Variants in ITPR2 observed in about 807,000 individuals in gnomAD.
ITPR2 encodes inositol 1,4,5-trisphosphate-gated calcium channel ITPR2.
ITPR2 carries 207 observed loss-of-function variants against 317.1 expected under a neutral mutation model. That is an observed-to-expected ratio of 0.65 (90% CI 0.58 to 0.73). The LOEUF (loss-of-function observed/expected upper bound fraction) is 0.73. Ranked by LOEUF, ITPR2 falls within the 30% of genes least tolerant of loss-of-function variation. The probability of loss-of-function intolerance (pLI) is 0.00; values close to 1 mark genes in which losing one functional copy is unlikely to be tolerated. For missense variants in ITPR2, 2,613 were observed against 3,284.0 expected, an observed-to-expected ratio of 0.80 and a Z score of 4.99; for synonymous variants, 1,156 against 1,149.1, an observed-to-expected ratio of 1.01 and a Z score of -0.12.
chr12:26,710,324 A>T (rs1175795049), intron 9 of ITPR2, among the ~76,000 whole-genome samples: 3 of 152,266 alleles, frequency 2.0e-5, no homozygotes, highest in Non-Finnish European at 4.4e-5. Context: ...AGTTAAGAGA[A>T]TTAGAAATAT....
intron 45 of ITPR2, among the ~76,000 whole-genome samples, chr12:26,473,898 A>T (rs1263538070): frequency 6.6e-6 from 1 of 152,196 alleles, no homozygotes; most frequent in African/African-American, 2.4e-5. Context: ...AGCAGCTAAA[A>T]TGCTCATCTG....
At chr12:26,648,486 C>A (rs1461956633) in intron 21 of ITPR2, among the ~76,000 whole-genome samples, 3 of 148,802 alleles carry the variant, frequency 2.0e-5, no homozygotes, top group Non-Finnish European at 4.4e-5. Context: ...GTCTATCTAG[C>A]AACAATGTTT....
chr12:26,579,321 T>C (rs193284884), intron 33 of ITPR2, among the ~76,000 whole-genome samples: 1 of 152,272 alleles, frequency 6.6e-6, no homozygotes, highest in East Asian at 1.9e-4. Context: ...TTATACACAA[T>C]CACTGTAGAA....
At chr12:26,572,411 G>T (rs754935515) in intron 34 of ITPR2, among the ~76,000 whole-genome samples, 1 of 152,298 alleles carries the variant, frequency 6.6e-6, no homozygotes, top group South Asian at 2.1e-4. Context: ...TTGGCACGAT[G>T]TTTTTTAACC....
chr12:26,622,526 C>T (rs1353903952), intron 24 of ITPR2, 121 bp from the exon 25 acceptor site: 2 of 706,048 alleles, frequency 2.8e-6, no homozygotes, highest in African/African-American at 1.9e-5. Flanking sequence ...AGGAAGTGAA[C>T]AGGAAAACAT....
chr12:26,657,100 T>C (rs1947387054), intron 18 of ITPR2, among the ~76,000 whole-genome samples: 1 of 152,248 alleles, frequency 6.6e-6, no homozygotes, highest in East Asian at 1.9e-4. Context: ...TGTCTGATTC[T>C]TGCCATTTGG....
chr12:26,777,472 G>A (rs1402517254), intron 2 of ITPR2, among the ~76,000 whole-genome samples: 2 of 152,158 alleles, frequency 1.3e-5, no homozygotes, highest in South Asian at 2.1e-4. Context: ...AAGGTGGTAG[G>A]GGCCAAGTGG....
Position 26,621,118 on chromosome 12 carries a change from C to T in ITPR2, c.3462+5G>A, listed in dbSNP as rs768188070. 18 of 1,609,616 alleles carry T rather than the reference C, an allele frequency of 1.1e-5. No homozygotes were observed. The highest frequency in any genetic ancestry group is 4.5e-5 in the East Asian group (2 of 44,722). On this transcript the variant is annotated splice_donor_5th_base_variant and intron_variant, in intron 26 of 56. Coordinates refer to ENST00000381340, the MANE Select transcript of ITPR2 (RefSeq NM_002223.4). ...GAGTATTTCGAAATAGATCTTGAAA[C>T]GAACCTCAATTGGCTCTTCACCACC... is the stretch of plus-strand genomic sequence containing the variant.
chr12:26,813,484 T>G (rs938635942), intron 1 of ITPR2, among the ~76,000 whole-genome samples: 3 of 152,234 alleles, frequency 2.0e-5, no homozygotes, highest in Non-Finnish European at 4.4e-5. Flanking sequence ...CAAAGTTCTG[T>G]GATTCTGAAT....
intron 5 of ITPR2, chr12:26,721,218 G>T: frequency 4.5e-6 from 2 of 439,564 alleles, no homozygotes; most frequent in Non-Finnish European, 8.2e-6. Context: ...TTTTTTTTAA[G>T]AAATCCAACC....
rs1168831991 is a variant in ITPR2 at position 26,600,105 on chromosome 12, T to A, written c.3683A>T (p.Asp1228Val). 6.2e-7 allele frequency: 1 copy of A among 1,608,074 alleles called. No individual in the cohort carries two copies. The highest frequency in any genetic ancestry group is 1.3e-5 in the African/African-American group (1 of 74,916). Reference sequence around the variant, plus strand: ...ATTCATTACTTCATTCATCTTTTCATCATTCTGTAAGTTAAAGAATAGCAC... The same window carrying A: ...ATTCATTACTTCATTCATCTTTTCAACATTCTGTAAGTTAAAGAATAGCAC... ...DLLQIPYEKN[D>V]EKMNEVMNLA... Residue 1228 changes from aspartate to valine, a missense_variant, in exon 29 of 57, where the codon GAT becomes GTT. Physicochemically the swap from Asp to Val is radical, Grantham distance 152. Around this residue, in one of 9 missense-constraint regions of ITPR2, gnomAD observed 817 missense variants for 897.6 expected, o/e 0.91. Transcript: ENST00000381340.
chr12:26,817,696 G>A (rs1950883363), intron 1 of ITPR2, among the ~76,000 whole-genome samples: 1 of 152,120 alleles, frequency 6.6e-6, no homozygotes, highest in South Asian at 2.1e-4. Flanking sequence ...TACCCACCTA[G>A]TTTCATCTTT....
intron 21 of ITPR2, among the ~76,000 whole-genome samples, chr12:26,640,020 C>T (rs908228285): frequency 7.9e-5 from 12 of 151,960 alleles, no homozygotes; most frequent in Non-Finnish European, 1.5e-4. Context: ...GGGTCTATGC[C>T]AGCATTCGAT....
intron 55 of ITPR2, among the ~76,000 whole-genome samples, chr12:26,367,563 GA>G (rs1487873391): frequency 6.6e-6 from 1 of 152,120 alleles, no homozygotes; most frequent in Non-Finnish European, 1.5e-5. Flanking sequence ...ATAAAAATCT[GA>G]AAAAACCTTT....
chr12:26,810,188 G>A (rs1348653513), intron 1 of ITPR2, among the ~76,000 whole-genome samples: 1 of 152,222 alleles, frequency 6.6e-6, no homozygotes, highest in African/African-American at 2.4e-5. Context: ...ACTCTGGAAG[G>A]AGATTTAGTA....
At chr12:26,665,026 T>C (rs977562473) in intron 14 of ITPR2, among the ~76,000 whole-genome samples, 1 of 152,194 alleles carries the variant, frequency 6.6e-6, no homozygotes, top group Admixed American at 6.5e-5. Flanking sequence ...TTAATTTAAA[T>C]AGCAATTAAT....
At chr12:26,800,282 G>T (rs944884434) in intron 1 of ITPR2, among the ~76,000 whole-genome samples, 1 of 151,664 alleles carries the variant, frequency 6.6e-6, no homozygotes, top group African/African-American at 2.4e-5. Flanking sequence ...TAAATTCAAA[G>T]AAATATGAAC....
intron 37 of ITPR2, among the ~76,000 whole-genome samples, chr12:26,533,229 T>G (rs778241715): frequency 2.6e-5 from 4 of 152,238 alleles, no homozygotes; most frequent in African/African-American, 4.8e-5. Flanking sequence ...AAAAAACCTA[T>G]GTATCTGGTA....
At chr12:26,352,509 A>C (rs1247646292) in intron 55 of ITPR2, among the ~76,000 whole-genome samples, 2 of 152,226 alleles carry the variant, frequency 1.3e-5, no homozygotes, top group Non-Finnish European at 2.9e-5. Flanking sequence ...AACGAGAGTC[A>C]GTTGCTGTTG....
Sources: allele counts gnomAD v4.1 joint callset (sites outside exome capture counted in the v4.1 genomes callset), GRCh38; gene constraint gnomAD v4.1.1; regional missense constraint gnomAD v4.1.1; transcripts MANE v1.5; gene names NCBI Gene and HGNC (gene_info 2026-07-23, HGNC 2026-07-21).